DLG2: variants seen among roughly 807,000 people sequenced by gnomAD.
DLG2 encodes the protein discs large MAGUK scaffold protein 2, also known as disks large homolog 2.
DLG2 carries 45 observed loss-of-function variants against 132.5 expected under a neutral mutation model. The ratio of observed to expected loss-of-function variants is 0.34; its 90% CI spans 0.27 to 0.44. The LOEUF (loss-of-function observed/expected upper bound fraction) is 0.44. Among genes scored for constraint, DLG2 ranks in the 20% least tolerant of loss-of-function variants. The probability of loss-of-function intolerance (pLI) is 1.00; values close to 1 mark genes in which losing one functional copy is unlikely to be tolerated. For synonymous variants in DLG2, 424 were observed against 419.6 expected (o/e 1.01, Z -0.13); for missense variants, 1,045 against 1,196.9 (o/e 0.87, Z 1.87).
intron 18 of DLG2, among the ~76,000 whole-genome samples, chr11:83,753,851 A>C (rs1247889312): frequency 6.5e-4 from 6 of 9,272 alleles, no homozygotes; most frequent in African/African-American, 3.5e-3. Context: ...TATCATATAT[A>C]TCATATATAT....
chr11:85,191,160 GCGCACACACACACACACA>G (rs2080521223), intron 4 of DLG2, among the ~76,000 whole-genome samples: 6 of 101,108 alleles, frequency 5.9e-5, no homozygotes, highest in African/African-American at 2.6e-4. Flanking sequence ...GCGCGCACGC[GCGCACACACACACACACA>G]CACACACACA....
At chr11:83,806,755 C>G (rs1053871390) in intron 17 of DLG2, among the ~76,000 whole-genome samples, 1 of 152,082 alleles carries the variant, frequency 6.6e-6, no homozygotes, top group African/African-American at 2.4e-5. Context: ...TCTGAAGAAG[C>G]CTTAAGGTTC....
chr11:85,366,009 T>C (rs932825976), intron 3 of DLG2, among the ~76,000 whole-genome samples: 2 of 152,144 alleles, frequency 1.3e-5, no homozygotes, highest in African/African-American at 4.8e-5. Context: ...CAAACCACCA[T>C]GGCACATGTA....
At chr11:84,521,820 A>C (rs1310592234) in intron 7 of DLG2, among the ~76,000 whole-genome samples, 1 of 152,230 alleles carries the variant, frequency 6.6e-6, no homozygotes, top group Non-Finnish European at 1.5e-5. Context: ...AATATGTCTT[A>C]TAGTCCACTG....
chr11:85,025,530 G>T (rs1210458442), intron 6 of DLG2, among the ~76,000 whole-genome samples: 2 of 152,136 alleles, frequency 1.3e-5, no homozygotes, highest in Non-Finnish European at 2.9e-5. Context: ...CACAAAAGAT[G>T]TCAGCATATA....
At chr11:83,657,786 C>T (rs1425146306) in intron 18 of DLG2, among the ~76,000 whole-genome samples, 4 of 152,092 alleles carry the variant, frequency 2.6e-5, no homozygotes, top group Non-Finnish European at 4.4e-5. Flanking sequence ...GTGATCCGCC[C>T]GCCTTGGCCT....
intron 8 of DLG2, among the ~76,000 whole-genome samples, chr11:84,243,875 GC>G (rs948134347): frequency 6.6e-6 from 1 of 152,150 alleles, no homozygotes; most frequent in Non-Finnish European, 1.5e-5. Flanking sequence ...TATTCATTAA[GC>G]CCCTTCTGCA....
chr11:85,028,822 G>T (rs1026104945), intron 6 of DLG2, among the ~76,000 whole-genome samples: 5 of 152,194 alleles, frequency 3.3e-5, no homozygotes, highest in Admixed American at 6.5e-5. Flanking sequence ...GCACCCAGGA[G>T]GGGGAGGCCC....
intron 6 of DLG2, among the ~76,000 whole-genome samples, chr11:84,921,202 C>T (rs2092740638): frequency 6.6e-6 from 1 of 152,058 alleles, no homozygotes; most frequent in South Asian, 2.1e-4. Flanking sequence ...TTTGGCAAAA[C>T]TTGTTGTCTC....
chr11:84,789,266 A>G (rs1212883159), intron 6 of DLG2, among the ~76,000 whole-genome samples: 1 of 152,196 alleles, frequency 6.6e-6, no homozygotes, highest in East Asian at 1.9e-4. Flanking sequence ...AGTCTTTCTC[A>G]TAATGGCTGC....
intron 6 of DLG2, among the ~76,000 whole-genome samples, chr11:84,852,333 A>G (rs944813459): frequency 1.8e-4 from 27 of 152,054 alleles, no homozygotes; most frequent in African/African-American, 6.5e-4. Context: ...GCACAACATC[A>G]AGAAAACGTG....
intron 15 of DLG2, among the ~76,000 whole-genome samples, chr11:83,889,802 C>T (rs553421067): frequency 6.6e-6 from 1 of 152,102 alleles, no homozygotes; most frequent in South Asian, 2.1e-4. Context: ...GAGTTCATGT[C>T]CTTTGTAGGG....
chr11:83,861,714 G>A (rs2061490008), intron 16 of DLG2, among the ~76,000 whole-genome samples: 2 of 152,220 alleles, frequency 1.3e-5, no homozygotes, highest in South Asian at 2.1e-4. Context: ...ATAGTTACCC[G>A]AGGCTGGAAA....
intron 3 of DLG2, among the ~76,000 whole-genome samples, chr11:85,294,005 G>A (rs1160080240): frequency 1.3e-5 from 2 of 152,034 alleles, no homozygotes; most frequent in Non-Finnish European, 2.9e-5. Context: ...ACTTTGGGAC[G>A]CCGAAGTGGG....
At chr11:85,303,126 A>G (rs1469701349) in intron 3 of DLG2, among the ~76,000 whole-genome samples, 1 of 152,170 alleles carries the variant, frequency 6.6e-6, no homozygotes, top group Non-Finnish European at 1.5e-5. Context: ...GCTTCATACA[A>G]TGTTTAGATC....
At chr11:83,678,203 C>T (rs2078103098) in intron 18 of DLG2, among the ~76,000 whole-genome samples, 1 of 152,128 alleles carries the variant, frequency 6.6e-6, no homozygotes, top group Non-Finnish European at 1.5e-5. Context: ...ATTGTTTTGA[C>T]CACTTCCTTC....
intron 6 of DLG2, among the ~76,000 whole-genome samples, chr11:84,575,425 C>A (rs1387812560): frequency 6.6e-6 from 1 of 151,998 alleles, no homozygotes; most frequent in South Asian, 2.1e-4. Context: ...CAACATGGAT[C>A]CTTCTAGGCA....
At chr11:85,616,185 T>C (rs1354152700) in intron 2 of DLG2, among the ~76,000 whole-genome samples, 2 of 152,126 alleles carry the variant, frequency 1.3e-5, no homozygotes, top group East Asian at 3.9e-4. Flanking sequence ...ACCACACTCA[T>C]ACAGTAAAAA....
chr11:84,498,778 CAT>C lies in DLG2; in HGVS notation c.519+35790_519+35791del, dbSNP rs912097509. Among the ~76,000 whole-genome samples, 14 of 152,300 alleles carry C rather than the reference CAT, an allele frequency of 9.2e-5. 1 individual carries two copies. Among genetic ancestry groups the C allele is most frequent in the African/African-American group, 1.9e-4 (8 of 41,564 alleles). Reference sequence around the variant, plus strand: ...TATATATTATCTTTCTTAATCCCCACATGTCAGGTATTATTTTCTTTACAATA... The same window carrying C: ...TATATATTATCTTTCTTAATCCCCACGTCAGGTATTATTTTCTTTACAATA... On this transcript the variant is annotated intron_variant, in intron 7 of 27. Coordinates refer to ENST00000376104, the MANE Select transcript of DLG2 (RefSeq NM_001142699.3).
Sources: gnomAD v4.1 joint callset for allele counts (sites outside exome capture counted in the v4.1 genomes callset) on GRCh38, gnomAD v4.1.1 for gene constraint, MANE v1.5 for transcripts, NCBI Gene and HGNC (gene_info 2026-07-23, HGNC 2026-07-21) for gene names.